GRIK1: variants seen among roughly 807,000 people sequenced by gnomAD.
The protein encoded by GRIK1 is glutamate receptor ionotropic, kainate 1.
In GRIK1, 69 loss-of-function variants were observed where a neutral mutation model predicts 105.7. The observed-to-expected ratio is 0.65, with a 90% CI of 0.54 to 0.80. GRIK1 has a LOEUF of 0.80. Among genes scored for constraint, GRIK1 ranks in the 30% least tolerant of loss-of-function variants. GRIK1 has a pLI of 0.00. For synonymous variants in GRIK1, 438 were observed against 431.3 expected (o/e 1.02, Z -0.19); for missense variants, 1,109 against 1,167.3 (o/e 0.95, Z 0.73).
At chr21:29,878,197 A>T (rs1209041203) in intron 1 of GRIK1, among the ~76,000 whole-genome samples, 1 of 152,154 alleles carries the variant, frequency 6.6e-6, no homozygotes, top group East Asian at 1.9e-4. Context: ...TGATTAAATG[A>T]CTGCATTTGC....
rs372452274 is a variant in GRIK1, at chr21:29,759,673, T to A, written c.119-65610A>T. On this transcript the variant is annotated intron_variant, in intron 1 of 17. Coordinates refer to ENST00000327783, the MANE Select transcript of GRIK1 (RefSeq NM_001330994.2). ...GAAACCAGAACAAAGGAAGACAATG[T>A]AGACACTGTAACATTAGTAGAGAGT... is the stretch of plus-strand genomic sequence containing the variant. Among the ~76,000 whole-genome samples, 21 of 152,310 alleles carry A rather than the reference T, an allele frequency of 1.4e-4. No individual in the cohort carries two copies. The South Asian group carries it at 4.4e-3, about 32-fold the overall frequency.
intron 1 of GRIK1, among the ~76,000 whole-genome samples, chr21:29,825,164 G>A (rs1442826426): frequency 6.6e-6 from 1 of 152,014 alleles, no homozygotes; most frequent in African/African-American, 2.4e-5. Flanking sequence ...AAAGGATGTT[G>A]TGTGTTTCTT....
At chr21:29,701,445 A>C (rs141896840) in intron 1 of GRIK1, among the ~76,000 whole-genome samples, 1 of 152,292 alleles carries the variant, frequency 6.6e-6, no homozygotes, top group East Asian at 1.9e-4. Context: ...TTTTTGAGGA[A>C]GAGTGAGGCT....
chr21:29,605,095 C>A (rs1477071409), intron 7 of GRIK1, among the ~76,000 whole-genome samples: 5 of 151,846 alleles, frequency 3.3e-5, no homozygotes, highest in African/African-American at 4.8e-5. Flanking sequence ...GGTACATGTG[C>A]GGATATGCAG....
chr21:29,831,940 T>C (rs1483491042), intron 1 of GRIK1, among the ~76,000 whole-genome samples: 1 of 152,140 alleles, frequency 6.6e-6, no homozygotes, highest in Non-Finnish European at 1.5e-5. Context: ...TATGAGCCTG[T>C]AAAGTGAAAA....
chr21:29,664,776 T>C (rs916149171), intron 4 of GRIK1, among the ~76,000 whole-genome samples: 2 of 152,136 alleles, frequency 1.3e-5, no homozygotes, highest in Admixed American at 6.5e-5. Flanking sequence ...ATTGAGGAAG[T>C]AGATAAGGTT....
chr21:29,871,992 G>A (rs899905983), intron 1 of GRIK1, among the ~76,000 whole-genome samples: 2 of 151,428 alleles, frequency 1.3e-5, no homozygotes, highest in East Asian at 1.9e-4. Flanking sequence ...TTGAACTCCT[G>A]AGCTCAAGCA....
chr21:29,548,324 A>G (rs1010419700), intron 16 of GRIK1, among the ~76,000 whole-genome samples: 1 of 152,234 alleles, frequency 6.6e-6, no homozygotes, highest in Non-Finnish European at 1.5e-5. Context: ...TTGCAATTAG[A>G]AATTCTTAGA....
At chr21:29,576,913 C>A in intron 14 of GRIK1, 51 bp downstream of exon 14, 2 of 935,700 alleles carry the variant, frequency 2.1e-6, no homozygotes, top group Non-Finnish European at 3.3e-6. Flanking sequence ...TTCTTTTATA[C>A]TCTACCACAA....
intron 12 of GRIK1, 71 bp from the exon 13 acceptor site, chr21:29,581,614 G>A: frequency 4.9e-6 from 4 of 810,340 alleles, no homozygotes; most frequent in Admixed American, 2.0e-5. Flanking sequence ...ACCAAAACCT[G>A]CTGAGCAATG....
rs1220286506 is a variant in GRIK1 at position 29,642,976 on chromosome 21, A to T, written c.955-7T>A. ...ACATCAGAGCCGCTTCAGTCTGTGG[A>T]GGAAAACACACACCGCATCTTAAAT... On this transcript the variant is annotated splice_region_variant and splice_polypyrimidine_tract_variant and intron_variant, in intron 6 of 17. Transcript: ENST00000327783. 6.2e-7 allele frequency: 1 copy of T among 1,611,658 alleles called. No individual in the cohort carries two copies. Among genetic ancestry groups the T allele is most frequent in the Non-Finnish European group, 8.5e-7 (1 of 1,178,490 alleles).
At chr21:29,689,474 G>A (rs2063544171) in intron 3 of GRIK1, among the ~76,000 whole-genome samples, 2 of 151,912 alleles carry the variant, frequency 1.3e-5, no homozygotes, top group South Asian at 4.2e-4. Context: ...AACATATACT[G>A]ATAAGATGAT....
intron 1 of GRIK1, among the ~76,000 whole-genome samples, chr21:29,885,301 G>T (rs2069571192): frequency 6.6e-6 from 1 of 152,000 alleles, no homozygotes; most frequent in South Asian, 2.1e-4. Flanking sequence ...TTGCTAGATG[G>T]TTTTTAACTA....
chr21:29,729,245 G>A (rs1036318789), intron 1 of GRIK1, among the ~76,000 whole-genome samples: 1 of 152,168 alleles, frequency 6.6e-6, no homozygotes, highest in Non-Finnish European at 1.5e-5. Flanking sequence ...AGGAAGTTTG[G>A]TGAATGGTTG....
chr21:29,890,360 A>G (rs2069848228), intron 1 of GRIK1, among the ~76,000 whole-genome samples: 1 of 152,148 alleles, frequency 6.6e-6, no homozygotes, highest in African/African-American at 2.4e-5. Flanking sequence ...GATTTTTGGC[A>G]GAAACTTCTT....
At chr21:29,902,249 T>C (rs552376929) in intron 1 of GRIK1, among the ~76,000 whole-genome samples, 139 of 152,222 alleles carry the variant, frequency 9.1e-4, no homozygotes, top group African/African-American at 3.1e-3. Context: ...GACAAGGATG[T>C]CCTCTCTTAC....
intron 1 of GRIK1, chr21:29,763,844 AGTT>A (rs2065590545): frequency 6.6e-6 from 1 of 152,244 alleles, no homozygotes; most frequent in East Asian, 1.9e-4. Flanking sequence ...ATTTAAATTT[AGTT>A]CCTGGCAGTT....
intron 1 of GRIK1, among the ~76,000 whole-genome samples, chr21:29,790,462 TC>T (rs1475254473): frequency 1.3e-5 from 2 of 150,830 alleles, no homozygotes; most frequent in Admixed American, 6.6e-5. Flanking sequence ...TTTCTTTCTT[TC>T]TTTTTTTTTT....
chr21:29,718,938 T>C (rs2064245697), intron 1 of GRIK1, among the ~76,000 whole-genome samples: 1 of 150,408 alleles, frequency 6.6e-6, no homozygotes, highest in African/African-American at 2.4e-5. Context: ...TGTGCAAAAA[T>C]CATAGTGACA....
Sources: allele counts gnomAD v4.1 joint callset (sites outside exome capture counted in the v4.1 genomes callset), GRCh38; gene constraint gnomAD v4.1.1; transcripts MANE v1.5; gene names NCBI Gene and HGNC (gene_info 2026-07-23, HGNC 2026-07-21).